Variants in CEP89 observed in about 807,000 individuals in gnomAD.
CEP89 encodes the protein centrosomal protein of 89 kDa.
In CEP89, 95 loss-of-function variants were observed where a neutral mutation model predicts 97.6. The observed-to-expected ratio is 0.97, with a 90% CI of 0.82 to 1.15. The LOEUF is 1.15. Ranked by LOEUF, CEP89 falls within the 50% of genes most tolerant of loss-of-function variation. The pLI is 0.00. For missense variants in CEP89, 869 were observed against 947.7 expected (o/e 0.92, Z 1.09); for synonymous variants, 354 against 349.1 (o/e 1.01, Z -0.16).
chr19:32,941,732 C>T (rs1219865098), intron 5 of CEP89, among the ~76,000 whole-genome samples: 2 of 152,114 alleles, frequency 1.3e-5, no homozygotes, highest in Admixed American at 6.5e-5. Context: ...TTCCCTACCA[C>T]CTTCCCTAAC....
At chr19:32,971,451 C>T in intron 1 of CEP89, 1 of 486,862 alleles carries the variant, frequency 2.1e-6, no homozygotes, top group Non-Finnish European at 3.6e-6. Flanking sequence ...GGCTAAGGAG[C>T]TCAAGACCAC....
chr19:32,917,253 CCTCTT>C (rs1010951021), intron 13 of CEP89, among the ~76,000 whole-genome samples: 34 of 152,306 alleles, frequency 2.2e-4, no homozygotes, highest in African/African-American at 7.5e-4. Flanking sequence ...TTTCCCCTCT[CCTCTT>C]AACAATGCCG....
At chr19:32,888,309 A>T (rs1250375573) in intron 16 of CEP89, among the ~76,000 whole-genome samples, 1 of 152,242 alleles carries the variant, frequency 6.6e-6, no homozygotes, top group Non-Finnish European at 1.5e-5. Context: ...AGATGACATC[A>T]TTTGAAGTCG....
Position 32,920,946 on chromosome 19 carries a change from G to A in CEP89, c.1268+2493C>T, listed in dbSNP as rs1252551244. 2.6e-5 allele frequency among the ~76,000 whole-genome samples: 4 copies of A among 152,024 alleles called. No homozygotes were observed. The East Asian group carries it at 5.9e-4, about 22-fold the overall frequency. On this transcript the variant is annotated intron_variant, in intron 12 of 18. Coordinates refer to ENST00000305768, the MANE Select transcript of CEP89 (RefSeq NM_032816.5). ...AGAAAGCGTCTGCTGGGCCAGGTGC[G>A]GTGGCTCACGCCTGTAATCCCAGCA... is the stretch of plus-strand genomic sequence containing the variant.
chr19:32,946,436 T>C (rs1245095244), intron 5 of CEP89, among the ~76,000 whole-genome samples: 1 of 152,178 alleles, frequency 6.6e-6, no homozygotes, highest in Non-Finnish European at 1.5e-5. Flanking sequence ...TAGAAAGACA[T>C]TTGGCATGTG....
chr19:32,946,417 C>G (rs1199026186), intron 5 of CEP89, among the ~76,000 whole-genome samples: 2 of 152,194 alleles, frequency 1.3e-5, no homozygotes, highest in South Asian at 2.1e-4. Flanking sequence ...AGAACCAAAT[C>G]TGGGGACATA....
intron 13 of CEP89, 35 bp downstream of exon 13, chr19:32,918,189 C>A (rs1325863237): frequency 6.8e-7 from 1 of 1,471,408 alleles, no homozygotes. Context: ...ATAGTGACAT[C>A]AATGCATGAC....
intron 9 of CEP89, chr19:32,931,092 GT>G (rs34009411): frequency 0.19 from 67,819 of 350,598 alleles, 6,868 homozygotes; most frequent in African/African-American, 0.23. Flanking sequence ...GTCTCGCCAT[GT>G]CCCCCAGGAT....
At chr19:32,908,911 C>T (rs908798573) in intron 14 of CEP89, among the ~76,000 whole-genome samples, 5 of 152,260 alleles carry the variant, frequency 3.3e-5, no homozygotes, top group Non-Finnish European at 4.4e-5. Flanking sequence ...GGGCAAGCCT[C>T]GAGGTGTGGT....
At chr19:32,925,633 T>C (rs534482046) in intron 11 of CEP89, among the ~76,000 whole-genome samples, 1 of 151,870 alleles carries the variant, frequency 6.6e-6, no homozygotes, top group Non-Finnish European at 1.5e-5. Flanking sequence ...GAATTACAGG[T>C]ACGTGCCACC....
intron 18 of CEP89, 120 bp downstream of exon 18, chr19:32,881,723 TA>T: frequency 1.1e-6 from 1 of 935,962 alleles, no homozygotes; most frequent in South Asian, 1.8e-5. Context: ...CAGATCAGAG[TA>T]AAATGTAGAA....
At position 32,931,670 on chromosome 19, in the gene CEP89, G is replaced by T; in HGVS notation, c.887-99C>A. On this transcript the variant is annotated intron_variant, in intron 8 of 18. Coordinates refer to ENST00000305768, the MANE Select transcript of CEP89 (RefSeq NM_032816.5). ...CGTTTGCTTTTCTCCCCTCTTTCAC[G>T]CTCAGAGGCAATGAACTGTGTGTGC... 3.2e-6 allele frequency: 3 copies of T among 929,294 alleles called. No homozygotes were observed. In the South Asian group the frequency reaches 5.0e-5, roughly 16 times the overall value. 57.6% of individuals were successfully genotyped at this position (929,294 alleles called of 1,614,324 possible).
intron 14 of CEP89, among the ~76,000 whole-genome samples, chr19:32,912,210 A>T (rs1970016271): frequency 6.6e-6 from 1 of 151,978 alleles, no homozygotes. Flanking sequence ...CTCAAAAAAA[A>T]AAAAAGGAAA....
At chr19:32,914,979 C>T (rs1568557621) in intron 14 of CEP89, among the ~76,000 whole-genome samples, 2 of 152,062 alleles carry the variant, frequency 1.3e-5, no homozygotes, top group South Asian at 4.1e-4. Context: ...CGAGACTGCA[C>T]CACTGCATTC....
intron 5 of CEP89, among the ~76,000 whole-genome samples, chr19:32,942,849 CTTT>C (rs757161677): frequency 1.5e-4 from 20 of 136,344 alleles, no homozygotes; most frequent in Non-Finnish European, 2.2e-4. Context: ...CTATTCCAGT[CTTT>C]TTTTTTTTTT....
intron 9 of CEP89, among the ~76,000 whole-genome samples, chr19:32,929,197 A>G (rs560917778): frequency 6.6e-6 from 1 of 152,330 alleles, no homozygotes; most frequent in East Asian, 1.9e-4. Context: ...ATGACCTAGT[A>G]ACAGAAATAA....
Position 32,966,398 on chromosome 19 carries a change from AG to A in CEP89, c.107del (p.Pro36LeufsTer26). On this transcript the variant is annotated frameshift_variant, in exon 2 of 19. Transcript: ENST00000305768. LOFTEE classifies it high-confidence loss of function. ...GAGATGGGTTGGGGCTGCGGGGAGG[AG>A]GTGTGCGTGGCACAGCTGCCTTCGG... ...VAPKAAVPRT[P>X]PPRSPNPSPE... 1 of 1,561,336 alleles carries A rather than the reference AG, an allele frequency of 6.4e-7. No individual in the cohort carries two copies.
At chr19:32,958,949 G>A (rs1245267226) in intron 3 of CEP89, among the ~76,000 whole-genome samples, 2 of 151,570 alleles carry the variant, frequency 1.3e-5, no homozygotes, top group African/African-American at 4.9e-5. Flanking sequence ...CCCAGGAGGC[G>A]GTGGTTGCAG....
In CEP89 at chr19:32,953,715, G is replaced by C. The variant is rs111238299; in HGVS notation, c.392C>G (p.Thr131Ser). The C allele has an allele frequency of 1.2e-5, 20 of 1,614,010 alleles. No individual in the cohort carries two copies. The highest frequency in any genetic ancestry group is 1.6e-4 in the Middle Eastern group (1 of 6,062). The change falls in exon 4 of 19, where the codon ACT (threonine) becomes AGT (serine). Residue 131 changes from threonine to serine, a missense_variant. Physicochemically the swap from Thr to Ser is moderately conservative, Grantham distance 58 (BLOSUM62 1). Coordinates refer to ENST00000305768, the MANE Select transcript of CEP89 (RefSeq NM_032816.5). ...LDYGDEEDIE[T>S]QLSSSGKELG... ...TTCCTTGCCGCTGGATGACAGCTGAGTTTCAATGTCCTCTTCGTCCCCATA... is the reference window on the plus strand; with the variant it reads ...TTCCTTGCCGCTGGATGACAGCTGACTTTCAATGTCCTCTTCGTCCCCATA...
Sources: allele counts gnomAD v4.1 joint callset (sites outside exome capture counted in the v4.1 genomes callset), GRCh38; gene constraint gnomAD v4.1.1; transcripts MANE v1.5; gene names NCBI Gene and HGNC (gene_info 2026-07-23, HGNC 2026-07-21).